Variants in PHLPP2 observed in about 807,000 individuals in gnomAD.
The protein encoded by PHLPP2 is PH domain and leucine rich repeat protein phosphatase 2, also known as PH domain leucine-rich repeat-containing protein phosphatase 2.
A neutral mutation model predicts 124.9 loss-of-function variants in PHLPP2; 66 were observed. The ratio of observed to expected loss-of-function variants is 0.53; its 90% CI spans 0.43 to 0.65. The LOEUF is 0.65. Ranked by LOEUF, PHLPP2 falls within the 30% of genes least tolerant of loss-of-function variation. The pLI is 0.00. For missense variants in PHLPP2, 1,685 were observed against 1,600.4 expected (o/e 1.05, Z -0.90); for synonymous variants, 681 against 624.7 (o/e 1.09, Z -1.34).
At chr16:71,678,609 C>T (rs2145336462) in intron 8 of PHLPP2, 146 bp downstream of exon 8, 1 of 613,432 alleles carries the variant, frequency 1.6e-6, no homozygotes, top group Non-Finnish European at 2.9e-6. Context: ...CACTGTATGC[C>T]AGCTTGGGTG....
At chr16:71,720,307 GGGGTTTCACTAT>G (rs1336153978) in intron 1 of PHLPP2, among the ~76,000 whole-genome samples, 1 of 151,742 alleles carries the variant, frequency 6.6e-6, no homozygotes, top group African/African-American at 2.4e-5. Flanking sequence ...TAGCAGAGAC[GGGGTTTCACTAT>G]GTTGGCCAGG....
Position 71,655,389 on chromosome 16 carries a change from C to G in PHLPP2, c.2436G>C (p.Val812=), listed in dbSNP as rs1357433346. 6.2e-7 allele frequency: 1 copy of G among 1,614,130 alleles called. No homozygotes were observed. Among genetic ancestry groups the G allele is most frequent in the African/African-American group, 1.3e-5 (1 of 75,026 alleles). The part of the protein sequence containing the change: ...ALAMDSFAEG[V]GAVYGMFDGD... ...CATCAAACATGCCATACACAGCTCC[C>G]ACCCCCTCTGCAAAGCTATCCATAG... is the stretch of plus-strand genomic sequence containing the variant. Residue 812 remains valine (V), a synonymous_variant, in exon 17 of 19, where the codon GTG becomes GTC. Transcript: ENST00000568954.
chr16:71,701,748 T>C (rs2045234953), intron 3 of PHLPP2, among the ~76,000 whole-genome samples: 1 of 50,700 alleles, frequency 2.0e-5, no homozygotes, highest in South Asian at 1.6e-3. Flanking sequence ...CAGTCAATCA[T>C]GGTCTGAAAA....
intron 1 of PHLPP2, among the ~76,000 whole-genome samples, chr16:71,716,781 C>A (rs1046230099): frequency 3.9e-5 from 6 of 152,178 alleles, no homozygotes; most frequent in Non-Finnish European, 8.8e-5. Context: ...CTCTATGGAG[C>A]CTTCCATATC....
At chr16:71,670,511 A>G (rs1234443613) in intron 10 of PHLPP2, among the ~76,000 whole-genome samples, 1 of 152,214 alleles carries the variant, frequency 6.6e-6, no homozygotes, top group Non-Finnish European at 1.5e-5. Context: ...CTGAGCTGTT[A>G]GAGGGATAAG....
Position 71,649,437 on chromosome 16 carries a change from T to C in PHLPP2, c.3425A>G (p.Gln1142Arg). Residue 1142 changes from glutamine to arginine, a missense_variant, in exon 19 of 19, where the codon CAG becomes CGG. Gln to Arg is a conservative substitution (Grantham distance 43). Transcript: ENST00000568954. ...ATCACTGTCCAGGCCGTTGTCAGAC[T>C]GGTTACTGGAGAAGGTAGCAGAAGA... is the stretch of plus-strand genomic sequence containing the variant. ...QPSSATFSSN[Q>R]SDNGLDSDDD... 6.2e-7 allele frequency: 1 copy of C among 1,614,068 alleles called. No individual in the cohort carries two copies. The highest frequency in any genetic ancestry group is 1.3e-5 in the African/African-American group (1 of 75,012).
chr16:71,652,728 C>G, intron 18 of PHLPP2, 62 bp downstream of exon 18: 1 of 1,254,238 alleles, frequency 8.0e-7, no homozygotes, highest in South Asian at 1.2e-5. Flanking sequence ...TTCATCACCT[C>G]TACACAAAGC....
intron 9 of PHLPP2, among the ~76,000 whole-genome samples, chr16:71,675,688 T>C (rs2044939415): frequency 6.6e-6 from 1 of 152,204 alleles, no homozygotes; most frequent in African/African-American, 2.4e-5. Context: ...AACTTGAATT[T>C]CATAGTAATT....
intron 15 of PHLPP2, 103 bp from the exon 16 acceptor site, chr16:71,656,784 CTT>C (rs968413740): frequency 9.1e-5 from 60 of 661,320 alleles, no homozygotes; most frequent in Non-Finnish European, 1.5e-4. Flanking sequence ...GAGTCTCCCT[CTT>C]GTCACCCAGG....
At chr16:71,659,666 G>A (rs1427387317) in intron 13 of PHLPP2, among the ~76,000 whole-genome samples, 1 of 152,180 alleles carries the variant, frequency 6.6e-6, no homozygotes, top group Non-Finnish European at 1.5e-5. Flanking sequence ...GTGCTGTGAG[G>A]CAAGTGATTC....
At chr16:71,688,310 A>G (rs1305945344) in intron 4 of PHLPP2, among the ~76,000 whole-genome samples, 1 of 152,222 alleles carries the variant, frequency 6.6e-6, no homozygotes, top group Non-Finnish European at 1.5e-5. Context: ...AGCAAACAGA[A>G]GACACAAAAT....
intron 13 of PHLPP2, among the ~76,000 whole-genome samples, chr16:71,663,458 T>C (rs2044811433): frequency 6.6e-6 from 1 of 152,214 alleles, no homozygotes; most frequent in South Asian, 2.1e-4. Flanking sequence ...CATCCACTTG[T>C]TTATTTTCCC....
chr16:71,664,000 G>A lies in PHLPP2; in HGVS notation c.1884C>T (p.Thr628=). ...SLSMLQLLYL[T]NNLLTDQCIP... is the part of the protein sequence containing the mutation. ...TGCACTGATCCGTCAGGAGATTGTTGGTCAGATAAAGCAGCTGCAGCATAC... is the reference window on the plus strand; with the variant it reads ...TGCACTGATCCGTCAGGAGATTGTTAGTCAGATAAAGCAGCTGCAGCATAC... The change falls in exon 13 of 19, where the codon ACC becomes ACT. Residue 628 remains threonine, a synonymous_variant. Coordinates refer to ENST00000568954, the MANE Select transcript of PHLPP2 (RefSeq NM_015020.3). 6.2e-7 allele frequency: 1 copy of A among 1,613,620 alleles called. No individual in the cohort carries two copies.
At chr16:71,683,027 T>C (rs2045017926) in intron 5 of PHLPP2, among the ~76,000 whole-genome samples, 1 of 151,938 alleles carries the variant, frequency 6.6e-6, no homozygotes, top group Non-Finnish European at 1.5e-5. Flanking sequence ...ACAGATTAGC[T>C]GGGCGTGATG....
intron 17 of PHLPP2, 88 bp from the exon 18 acceptor site, chr16:71,653,109 T>A (rs2044709943): frequency 8.8e-6 from 7 of 791,308 alleles, no homozygotes; most frequent in Non-Finnish European, 2.0e-6. Context: ...CTTTTTTTTT[T>A]TTTTTTTTTT....
chr16:71,699,492 T>G (rs1355939964), intron 3 of PHLPP2, among the ~76,000 whole-genome samples: 1 of 152,190 alleles, frequency 6.6e-6, no homozygotes, highest in African/African-American at 2.4e-5. Context: ...GAGAGTGAGC[T>G]GCCCTTCCCA....
intron 3 of PHLPP2, among the ~76,000 whole-genome samples, chr16:71,693,693 C>G (rs1327756442): frequency 6.6e-6 from 1 of 152,184 alleles, no homozygotes; most frequent in Non-Finnish European, 1.5e-5. Context: ...AACTGTGATT[C>G]ATGAACATGC....
chr16:71,713,201 G>C (rs915276272), intron 2 of PHLPP2, among the ~76,000 whole-genome samples: 1 of 152,082 alleles, frequency 6.6e-6, no homozygotes, highest in Non-Finnish European at 1.5e-5. Context: ...CCTAGAAAAA[G>C]ATTTGTCGTT....
At position 71,663,885 on chromosome 16, in the gene PHLPP2, T is replaced by C; in HGVS notation, c.1985+14A>G. On this transcript the variant is annotated intron_variant, in intron 13 of 18. Coordinates refer to ENST00000568954, the MANE Select transcript of PHLPP2 (RefSeq NM_015020.3). ...TTGTGTATTTGAAATGATCAAAGTTTGCATTCATTTTACCTTGCAGGAAAG... is the reference window on the plus strand; with the variant it reads ...TTGTGTATTTGAAATGATCAAAGTTCGCATTCATTTTACCTTGCAGGAAAG... 6.3e-7 allele frequency: 1 copy of C among 1,594,284 alleles called. No individual in the cohort carries two copies. The highest frequency in any genetic ancestry group is 2.2e-5 in the East Asian group (1 of 44,798).
Sources: allele counts gnomAD v4.1 joint callset (sites outside exome capture counted in the v4.1 genomes callset), GRCh38; gene constraint gnomAD v4.1.1; transcripts MANE v1.5; gene names NCBI Gene and HGNC (gene_info 2026-07-23, HGNC 2026-07-21).